The following ATF2 variants were observed in gnomAD, a reference collection of about 807,000 sequenced individuals.
The protein encoded by ATF2 is cyclic AMP-dependent transcription factor ATF-2.
ATF2 carries 24 observed loss-of-function variants against 60.6 expected under a neutral mutation model. The observed-to-expected ratio is 0.40, with a 90% CI of 0.29 to 0.56. The LOEUF is 0.56. ATF2 is among the 20% of genes least tolerant of loss of function. The probability of loss-of-function intolerance (pLI) is 0.54; values close to 1 mark genes in which losing one functional copy is unlikely to be tolerated. For synonymous variants in ATF2, 206 were observed against 215.4 expected (o/e 0.96, Z 0.38); for missense variants, 433 against 607.7 (o/e 0.71, Z 3.02).
intron 12 of ATF2, among the ~76,000 whole-genome samples, chr2:175,090,687 T>C (rs1433178684): frequency 1.3e-5 from 2 of 152,166 alleles, no homozygotes; most frequent in Admixed American, 6.5e-5. Flanking sequence ...AGTTCAAATG[T>C]AGAGCTTAAT....
chr2:175,107,652 C>T (rs1467892714), intron 10 of ATF2, among the ~76,000 whole-genome samples: 2 of 152,362 alleles, frequency 1.3e-5, no homozygotes, highest in African/African-American at 4.8e-5. Context: ...TCTCTGCTCA[C>T]TGCAACCTCC....
At chr2:175,160,614 A>G (rs1013798345) in intron 1 of ATF2, among the ~76,000 whole-genome samples, 1 of 152,226 alleles carries the variant, frequency 6.6e-6, no homozygotes, top group Non-Finnish European at 1.5e-5. Context: ...TTGATAGTGT[A>G]GTTATAATTG....
chr2:175,105,822 AAATC>A (rs1695617528), intron 10 of ATF2, among the ~76,000 whole-genome samples: 1 of 152,212 alleles, frequency 6.6e-6, no homozygotes, highest in African/African-American at 2.4e-5. Flanking sequence ...ATTAAAATAT[AAATC>A]AATATGAAAA....
At chr2:175,120,193 GA>G (rs1279238711) in intron 5 of ATF2, among the ~76,000 whole-genome samples, 1 of 151,406 alleles carries the variant, frequency 6.6e-6, no homozygotes, top group Non-Finnish European at 1.5e-5. Flanking sequence ...AAGTTTCAGA[GA>G]AACAAAGAGC....
chr2:175,097,890 G>T (rs1052030835), intron 10 of ATF2, among the ~76,000 whole-genome samples: 1 of 152,102 alleles, frequency 6.6e-6, no homozygotes. Context: ...TCTCTCTTAG[G>T]TTTTCCCTGT....
At chr2:175,162,522 A>G (rs191412854) in intron 1 of ATF2, among the ~76,000 whole-genome samples, 122 of 152,368 alleles carry the variant, frequency 8.0e-4, no homozygotes, top group African/African-American at 2.7e-3. Flanking sequence ...GAAACAATTC[A>G]TAAAAGAAAA....
intron 10 of ATF2, among the ~76,000 whole-genome samples, chr2:175,110,539 GAT>G (rs1553506789): frequency 2.6e-5 from 4 of 151,974 alleles, no homozygotes; most frequent in Non-Finnish European, 5.9e-5. Context: ...CCAATTAATC[GAT>G]GTTATTAATT....
At chr2:175,125,133 A>G (rs1289930495) in intron 4 of ATF2, among the ~76,000 whole-genome samples, 1 of 152,104 alleles carries the variant, frequency 6.6e-6, no homozygotes, top group Non-Finnish European at 1.5e-5. Context: ...GCTGAAACTC[A>G]AATTCAGAAT....
At chr2:175,113,391 T>C (rs1036624349) in intron 9 of ATF2, among the ~76,000 whole-genome samples, 1 of 151,974 alleles carries the variant, frequency 6.6e-6, no homozygotes, top group Non-Finnish European at 1.5e-5. Flanking sequence ...TACGCTGGGA[T>C]TACAACAGGC....
At position 175,074,463 on chromosome 2, in the gene ATF2, A is replaced by T; in HGVS notation, c.*146T>A. On this transcript the variant is annotated 3_prime_UTR_variant, in exon 14 of 14. Coordinates refer to ENST00000264110, the MANE Select transcript of ATF2 (RefSeq NM_001880.4). ...TTTTTCAGTCTGATCAACTGCTGCT[A>T]CACCAACTTTAGAGCCAAATTTAAT... 2.9e-6 allele frequency: 3 copies of T among 1,024,412 alleles called. No individual in the cohort carries two copies. Among genetic ancestry groups the T allele is most frequent in the South Asian group, 1.8e-5 (1 of 54,846 alleles). The allele number at this position is 1,024,412 out of a possible 1,614,324, so 63.5% of individuals were successfully genotyped here.
At chr2:175,157,395 G>T (rs555572535) in intron 1 of ATF2, among the ~76,000 whole-genome samples, 8 of 152,270 alleles carry the variant, frequency 5.3e-5, no homozygotes, top group African/African-American at 1.9e-4. Context: ...GACCAATCAG[G>T]AGTCTTGAGA....
chr2:175,154,192 CAAG>C (rs1173177530), intron 1 of ATF2, among the ~76,000 whole-genome samples: 8 of 144,386 alleles, frequency 5.5e-5, no homozygotes, highest in African/African-American at 2.1e-4. Context: ...CCAGCCTAGG[CAAG>C]AAGAGCGAAA....
At chr2:175,081,763 T>G (rs1332052430) in intron 12 of ATF2, among the ~76,000 whole-genome samples, 1 of 152,178 alleles carries the variant, frequency 6.6e-6, no homozygotes, top group East Asian at 1.9e-4. Context: ...TGTAAAATAA[T>G]TTAGCAGGCT....
At chr2:175,091,452 TTGA>T (rs757374197) in intron 12 of ATF2, among the ~76,000 whole-genome samples, 1 of 152,168 alleles carries the variant, frequency 6.6e-6, no homozygotes, top group African/African-American at 2.4e-5. Context: ...TCTAACAGAC[TTGA>T]TATAAAATAG....
chr2:175,128,150 A>G (rs1377846858), intron 4 of ATF2, among the ~76,000 whole-genome samples: 1 of 152,234 alleles, frequency 6.6e-6, no homozygotes, highest in African/African-American at 2.4e-5. Context: ...TAATGAGGAA[A>G]GAAAAATCTT....
chr2:175,135,327 A>G (rs953416586), intron 3 of ATF2, among the ~76,000 whole-genome samples: 18 of 152,280 alleles, frequency 1.2e-4, no homozygotes, highest in Non-Finnish European at 2.2e-4. Context: ...GGGAATGTCA[A>G]AAGTCGAAAG....
intron 10 of ATF2, among the ~76,000 whole-genome samples, chr2:175,104,211 G>A (rs1253584495): frequency 6.6e-6 from 1 of 152,114 alleles, no homozygotes; most frequent in Non-Finnish European, 1.5e-5. Context: ...CTCTTTAGCT[G>A]TAGTGTGCTA....
At position 175,118,259 on chromosome 2, in the gene ATF2, T is replaced by C. The variant is rs1377952600; in HGVS notation, c.310A>G (p.Ile104Val). ...NEFKKASEDD[I>V]KKMPLDLSPL... ...TCATGGTTACAACATACTTTTTTAA[T>C]GTCATCTTCTGAAGCTTTCTTGAAT... is the stretch of plus-strand genomic sequence containing the variant. Residue 104 changes from isoleucine to valine, a missense_variant, in exon 6 of 14, where the codon ATT becomes GTT. Transcript: ENST00000264110. The C allele has an allele frequency of 1.9e-6, 3 of 1,606,566 alleles. No homozygotes were observed. Among genetic ancestry groups the C allele is most frequent in the Non-Finnish European group, 1.7e-6 (2 of 1,176,894 alleles).
chr2:175,107,192 C>A (rs2105651460), intron 10 of ATF2, among the ~76,000 whole-genome samples: 1 of 152,096 alleles, frequency 6.6e-6, no homozygotes, highest in Middle Eastern at 3.4e-3. Flanking sequence ...ACAACTAATG[C>A]CTGGCCAAAA....
Sources: allele counts gnomAD v4.1 joint callset (sites outside exome capture counted in the v4.1 genomes callset), GRCh38; gene constraint gnomAD v4.1.1; transcripts MANE v1.5; gene names NCBI Gene and HGNC (gene_info 2026-07-23, HGNC 2026-07-21).